Variants in CACNB4 observed in about 807,000 individuals in gnomAD.
CACNB4 encodes calcium voltage-gated channel auxiliary subunit beta 4.
In CACNB4, 32 loss-of-function variants were observed where a neutral mutation model predicts 71.2. The ratio of observed to expected loss-of-function variants is 0.45; its 90% CI spans 0.34 to 0.60. The LOEUF (loss-of-function observed/expected upper bound fraction) is 0.60, where lower values mean the gene tolerates loss of function less well. CACNB4 is among the 20% of genes least tolerant of loss of function. CACNB4 has a pLI of 0.01. For synonymous variants in CACNB4, 231 were observed against 236.9 expected (o/e 0.97, Z 0.23); for missense variants, 464 against 647.9 (o/e 0.72, Z 3.08).
At chr2:151,973,855 G>A (rs2099873264) in intron 2 of CACNB4, 3 of 1,479,326 alleles carry the variant, frequency 2.0e-6, no homozygotes, top group Non-Finnish European at 2.7e-6. Context: ...CAGGCAAGAT[G>A]CTATTCATTC....
chr2:151,848,915 AAG>A (rs2099838302), intron 12 of CACNB4, among the ~76,000 whole-genome samples: 1 of 152,202 alleles, frequency 6.6e-6, no homozygotes. Context: ...TGAAGAGAAA[AAG>A]AATATCAATA....
At chr2:151,995,005 T>C (rs1161723609) in intron 2 of CACNB4, among the ~76,000 whole-genome samples, 1 of 152,144 alleles carries the variant, frequency 6.6e-6, no homozygotes, top group African/African-American at 2.4e-5. Flanking sequence ...TGAGGTCCAG[T>C]TTGATGCTGA....
intron 2 of CACNB4, among the ~76,000 whole-genome samples, chr2:152,083,746 C>T (rs1687496822): frequency 6.6e-6 from 1 of 152,206 alleles, no homozygotes; most frequent in Non-Finnish European, 1.5e-5. Flanking sequence ...TTATCAGATA[C>T]ACTTCAAGAA....
At chr2:151,961,902 A>T (rs2099869759) in intron 2 of CACNB4, among the ~76,000 whole-genome samples, 1 of 7,206 alleles carries the variant, frequency 1.4e-4, no homozygotes, top group African/African-American at 7.1e-4. Context: ...AAAAAAAATA[A>T]AAAAAAGAAT....
chr2:151,873,384 C>T (rs566908814), intron 5 of CACNB4: 1 of 152,312 alleles, frequency 6.6e-6, no homozygotes, highest in South Asian at 2.1e-4. Flanking sequence ...ATCGAAAATG[C>T]TCTAATGAGC....
Position 151,836,766 on chromosome 2 carries a change from G to T in CACNB4, c.*2353C>A, listed in dbSNP as rs1203213706. The stretch of plus-strand genomic sequence containing the variant: ...AGTGACTTTTAAAAAGTTGAAAGAA[G>T]ATGGTAATCTTGATGACTAGGAAAT... On this transcript the variant is annotated 3_prime_UTR_variant, in exon 14 of 14. Coordinates refer to ENST00000539935, the MANE Select transcript of CACNB4 (RefSeq NM_000726.5). 6.6e-6 allele frequency: 1 copy of T among 151,896 alleles called. No homozygotes were observed. The highest frequency in any genetic ancestry group is 1.5e-5 in the Non-Finnish European group (1 of 67,822). 9.4% of individuals were successfully genotyped at this position (151,896 alleles called of 1,614,324 possible).
At chr2:151,983,661 G>T (rs2099875101) in intron 2 of CACNB4, among the ~76,000 whole-genome samples, 1 of 122,852 alleles carries the variant, frequency 8.1e-6, no homozygotes, top group Non-Finnish European at 1.8e-5. Flanking sequence ...GTATAAAAAA[G>T]CCATAAACTT....
At chr2:151,992,586 T>C (rs1474757436) in intron 2 of CACNB4, among the ~76,000 whole-genome samples, 1 of 152,242 alleles carries the variant, frequency 6.6e-6, no homozygotes, top group African/African-American at 2.4e-5. Flanking sequence ...TAGCTTTTTC[T>C]GTAAATGGCG....
At chr2:151,849,513 C>T (rs1222557698) in intron 12 of CACNB4, among the ~76,000 whole-genome samples, 1 of 152,290 alleles carries the variant, frequency 6.6e-6, no homozygotes, top group East Asian at 1.9e-4. Flanking sequence ...TAGGCTCAAG[C>T]CACCTTCCTG....
intron 2 of CACNB4, among the ~76,000 whole-genome samples, chr2:151,966,446 A>G (rs1469461547): frequency 6.6e-6 from 1 of 151,766 alleles, no homozygotes; most frequent in Non-Finnish European, 1.5e-5. Flanking sequence ...ACGCCCAACT[A>G]ATTTTTATAT....
At chr2:152,071,018 G>T (rs189220007) in intron 2 of CACNB4, among the ~76,000 whole-genome samples, 1 of 152,208 alleles carries the variant, frequency 6.6e-6, no homozygotes, top group Non-Finnish European at 1.5e-5. Context: ...TGCCTGCCTC[G>T]GCTTCCCAGA....
intron 2 of CACNB4, among the ~76,000 whole-genome samples, chr2:152,044,488 G>C (rs1452037748): frequency 6.6e-6 from 1 of 152,206 alleles, no homozygotes; most frequent in Non-Finnish European, 1.5e-5. Context: ...AAAGTGCTGG[G>C]ATTACAGGCG....
At chr2:151,923,632 C>T (rs2099859510) in intron 2 of CACNB4, among the ~76,000 whole-genome samples, 1 of 152,162 alleles carries the variant, frequency 6.6e-6, no homozygotes, top group Non-Finnish European at 1.5e-5. Flanking sequence ...TCAGACTGGC[C>T]TACAGAATTC....
At chr2:151,857,881 C>A (rs62174456) in intron 10 of CACNB4, 4,290 of 152,276 alleles carry the variant, frequency 0.028, 56 homozygotes, top group African/African-American at 0.034. Context: ...TACTGCTTAA[C>A]CAACACAAAA....
At chr2:151,990,925 T>C (rs138996757) in intron 2 of CACNB4, among the ~76,000 whole-genome samples, 2 of 152,310 alleles carry the variant, frequency 1.3e-5, no homozygotes, top group Non-Finnish European at 2.9e-5. Flanking sequence ...TGTCTTCTGA[T>C]TGGGAGATGG....
chr2:151,878,394 G>A (rs911053360), intron 4 of CACNB4, among the ~76,000 whole-genome samples: 16 of 152,038 alleles, frequency 1.1e-4, no homozygotes, highest in Non-Finnish European at 2.1e-4. Context: ...CTATATGAGT[G>A]GCATAAAGTA....
chr2:151,998,211 G>T (rs1682176953), intron 2 of CACNB4, among the ~76,000 whole-genome samples: 1 of 151,002 alleles, frequency 6.6e-6, no homozygotes, highest in Non-Finnish European at 1.5e-5. Flanking sequence ...TGTAGTCCCA[G>T]CTACTCAGGA....
At chr2:152,014,491 G>A (rs982941960) in intron 2 of CACNB4, among the ~76,000 whole-genome samples, 4 of 151,660 alleles carry the variant, frequency 2.6e-5, no homozygotes, top group Non-Finnish European at 4.4e-5. Flanking sequence ...AGCACTTTGG[G>A]AGGCTGAGGT....
At chr2:152,005,775 C>G (rs143290257) in intron 2 of CACNB4, among the ~76,000 whole-genome samples, 2 of 152,168 alleles carry the variant, frequency 1.3e-5, no homozygotes, top group African/African-American at 4.8e-5. Flanking sequence ...GTGCAACCAC[C>G]ACTGTGTCCC....
Sources: allele counts gnomAD v4.1 joint callset (sites outside exome capture counted in the v4.1 genomes callset), GRCh38; gene constraint gnomAD v4.1.1; transcripts MANE v1.5; gene names NCBI Gene and HGNC (gene_info 2026-07-23, HGNC 2026-07-21).